Variants in CEP170 observed in about 807,000 individuals in gnomAD.
The protein encoded by CEP170 is centrosomal protein of 170 kDa.
A neutral mutation model predicts 151.9 loss-of-function variants in CEP170; 21 were observed. The ratio of observed to expected loss-of-function variants is 0.14; its 90% CI spans 0.10 to 0.20. CEP170 has a LOEUF of 0.20. Ranked by LOEUF, CEP170 falls within the 10% of genes least tolerant of loss-of-function variation. The pLI is 1.00. For synonymous variants in CEP170, 356 were observed against 648.8 expected (o/e 0.55, Z 6.86); for missense variants, 964 against 1,892.9 (o/e 0.51, Z 9.11).
At chr1:243,181,043 C>T (rs2148683397) in intron 10 of CEP170, among the ~76,000 whole-genome samples, 1 of 152,330 alleles carries the variant, frequency 6.6e-6, no homozygotes, top group South Asian at 2.1e-4. Context: ...AAGCCCTCCA[C>T]AATGATCATT....
chr1:243,221,181 C>T (rs1163217908), intron 3 of CEP170, among the ~76,000 whole-genome samples: 2 of 152,152 alleles, frequency 1.3e-5, no homozygotes, highest in African/African-American at 4.8e-5. Context: ...CCCGCCACCA[C>T]ACCCGGCTAA....
Position 243,129,244 on chromosome 1 carries a change from T to C in CEP170, c.4413+116A>G. 3 of 608,506 alleles carry C rather than the reference T, an allele frequency of 4.9e-6. No homozygotes were observed. In the South Asian group the frequency reaches 1.0e-4, roughly 21 times the overall value. The allele number at this position is 608,506 out of a possible 1,614,324, so 37.7% of individuals were successfully genotyped here. A position where few individuals can be genotyped will look rare whatever the true frequency, so the allele number is the denominator to read the frequency against. On this transcript the variant is annotated intron_variant, in intron 18 of 19. Coordinates refer to ENST00000366542, the MANE Select transcript of CEP170 (RefSeq NM_014812.3). ...AGAAGAAATAAAATTTCCCAAAATT[T>C]TGCATTTATATCTTCTTTTGAAAAA...
chr1:243,160,504 A>G (rs2057976909), intron 13 of CEP170, among the ~76,000 whole-genome samples: 1 of 152,214 alleles, frequency 6.6e-6, no homozygotes, highest in African/African-American at 2.4e-5. Flanking sequence ...ATCATTTATG[A>G]TGTCTAGAGA....
intron 10 of CEP170, among the ~76,000 whole-genome samples, chr1:243,179,531 T>C (rs1316886794): frequency 6.6e-6 from 1 of 152,224 alleles, no homozygotes; most frequent in Non-Finnish European, 1.5e-5. Context: ...TTTTAAACTA[T>C]ATATTTTAAC....
At chr1:243,178,207 T>G (rs191590585) in intron 10 of CEP170, among the ~76,000 whole-genome samples, 1 of 147,762 alleles carries the variant, frequency 6.8e-6, no homozygotes, top group Non-Finnish European at 1.5e-5. Context: ...CAAGTGCTTG[T>G]AGTCCCAGCT....
chr1:243,165,969 G>A lies in CEP170; in HGVS notation c.1991C>T (p.Thr664Ile). ...SLESHRAKVV[T>I]QRSEIGEKQD... Reference sequence around the variant, plus strand: ...TTTTTCTCCTATCTCTGACCTCTGTGTTACAACCTTTGCTCTGTGGCTCTC... The same window carrying A: ...TTTTTCTCCTATCTCTGACCTCTGTATTACAACCTTTGCTCTGTGGCTCTC... The change falls in exon 13 of 20, where the codon ACA (threonine) becomes ATA (isoleucine). Residue 664 changes from threonine (T) to isoleucine (I), a missense_variant. Physicochemically the swap from Thr to Ile is moderately conservative, Grantham distance 89. Transcript: ENST00000366542. 1 of 1,613,574 alleles carries A rather than the reference G, an allele frequency of 6.2e-7. No homozygotes were observed. Among genetic ancestry groups the A allele is most frequent in the Non-Finnish European group, 8.5e-7 (1 of 1,179,672 alleles).
intron 11 of CEP170, among the ~76,000 whole-genome samples, chr1:243,171,203 T>C (rs2058819869): frequency 6.6e-6 from 1 of 152,198 alleles, no homozygotes; most frequent in African/African-American, 2.4e-5. Flanking sequence ...TATCACCTGC[T>C]TTCAATAAGT....
chr1:243,202,113 C>G (rs1156473085), intron 4 of CEP170, among the ~76,000 whole-genome samples: 5 of 152,106 alleles, frequency 3.3e-5, no homozygotes, highest in Non-Finnish European at 5.9e-5. Flanking sequence ...GAATACTACT[C>G]AGCCATAAAA....
At position 243,165,849 on chromosome 1, in the gene CEP170, G is replaced by A. The variant is rs1287353477; in HGVS notation, c.2111C>T (p.Ala704Val). The change falls in exon 13 of 20, where the codon GCA (alanine) becomes GTA (valine). Residue 704 changes from alanine (A) to valine (V), a missense_variant. Physicochemically the swap from Ala to Val is moderately conservative, Grantham distance 64. Coordinates refer to ENST00000366542, the MANE Select transcript of CEP170 (RefSeq NM_014812.3). The part of the protein sequence containing the change: ...ADRPLSKMNR[A>V]VNGETLKTGG... ...AGTTTTGAGAGTCTCTCCATTTACT[G>A]CCCTGTTCATTTTACTCAAGGGTCT... The A allele has an allele frequency of 6.2e-7, 1 of 1,613,928 alleles. No homozygotes were observed. The highest frequency in any genetic ancestry group is 2.2e-5 in the East Asian group (1 of 44,882).
At chr1:243,152,796 G>A (rs2057231989) in intron 14 of CEP170, among the ~76,000 whole-genome samples, 1 of 152,140 alleles carries the variant, frequency 6.6e-6, no homozygotes, top group Non-Finnish European at 1.5e-5. Context: ...CTCCCAAAGT[G>A]CTGGGATTAC....
chr1:243,188,658 T>G (rs1231878353), intron 8 of CEP170, among the ~76,000 whole-genome samples: 7 of 152,240 alleles, frequency 4.6e-5, no homozygotes, highest in Non-Finnish European at 7.3e-5. Flanking sequence ...CCTAAAGGGT[T>G]AAAGTGTATG....
At chr1:243,162,146 A>G (rs1392808101) in intron 13 of CEP170, among the ~76,000 whole-genome samples, 1 of 152,186 alleles carries the variant, frequency 6.6e-6, no homozygotes, top group Non-Finnish European at 1.5e-5. Context: ...TTAGTAAACA[A>G]TACCAAAACC....
intron 1 of CEP170, among the ~76,000 whole-genome samples, chr1:243,238,420 T>TTGCACTCTA (rs2064465746): frequency 6.6e-6 from 1 of 152,006 alleles, no homozygotes; most frequent in South Asian, 2.1e-4. Flanking sequence ...GACTGTGCCA[T>TTGCACTCTA]TGCACTCTAG....
At chr1:243,204,145 G>GA (rs1365739064) in intron 4 of CEP170, among the ~76,000 whole-genome samples, 1 of 151,920 alleles carries the variant, frequency 6.6e-6, no homozygotes, top group Non-Finnish European at 1.5e-5. Context: ...TTTGAAATTT[G>GA]AAAAATATTA....
chr1:243,227,794 A>G (rs1251754745), intron 1 of CEP170, among the ~76,000 whole-genome samples: 1 of 152,180 alleles, frequency 6.6e-6, no homozygotes, highest in Non-Finnish European at 1.5e-5. Flanking sequence ...AAAGGTTTTG[A>G]CCCTGTGGAC....
intron 14 of CEP170, among the ~76,000 whole-genome samples, chr1:243,155,715 T>C (rs1390931345): frequency 6.6e-6 from 1 of 152,148 alleles, no homozygotes; most frequent in African/African-American, 2.4e-5. Flanking sequence ...ATCTTCAAAA[T>C]AGTCATATTT....
intron 1 of CEP170, chr1:243,253,128 G>A (rs2066101666): frequency 6.6e-6 from 1 of 152,172 alleles, no homozygotes; most frequent in African/African-American, 2.4e-5. Flanking sequence ...TTAGGTAGTA[G>A]GGAAAACACT....
chr1:243,178,232 G>A (rs1023317984), intron 10 of CEP170, among the ~76,000 whole-genome samples: 1 of 136,784 alleles, frequency 7.3e-6, no homozygotes, highest in East Asian at 2.3e-4. Flanking sequence ...GCGAGGCTGA[G>A]ACAGGAGAAT....
rs368017417 is a variant in CEP170 at position 243,220,927 on chromosome 1, T to C, written c.195+797A>G. On this transcript the variant is annotated intron_variant, in intron 3 of 19. Coordinates refer to ENST00000366542, the MANE Select transcript of CEP170 (RefSeq NM_014812.3). ...ATAATGAACAATGGCGGTTAGATAA[T>C]GTGCTATATTTGTGAAGGCAAATGG... Among the ~76,000 whole-genome samples the C allele has an allele frequency of 3.3e-5, 5 of 152,310 alleles. No homozygotes were observed. In the South Asian group the frequency reaches 8.3e-4, roughly 25 times the overall value.
Sources: gnomAD v4.1 joint callset for allele counts (sites outside exome capture counted in the v4.1 genomes callset) on GRCh38, gnomAD v4.1.1 for gene constraint, MANE v1.5 for transcripts, NCBI Gene and HGNC (gene_info 2026-07-23, HGNC 2026-07-21) for gene names.